The following SAMD13 variants were observed in gnomAD, a reference collection of about 807,000 sequenced individuals.
SAMD13 encodes the protein sterile alpha motif domain-containing protein 13.
In SAMD13, 9 loss-of-function variants were observed where a neutral mutation model predicts 12.4. The observed-to-expected ratio is 0.72, with a 90% CI of 0.44 to 1.26. The LOEUF (loss-of-function observed/expected upper bound fraction) is 1.26. SAMD13 is among the 50% of genes most tolerant of loss of function. SAMD13 has a pLI of 0.00. For missense variants in SAMD13, 84 were observed against 119.6 expected (o/e 0.70, Z 1.39); for synonymous variants, 46 against 45.4 (o/e 1.01, Z -0.05).
rs141431531 is a variant in SAMD13, at chr1:84,318,287, A to G, written c.54-7350A>G. On this transcript the variant is annotated intron_variant, in intron 2 of 3. Coordinates refer to ENST00000394834, the MANE Select transcript of SAMD13 (RefSeq NM_001134663.2). ...CTTAATACTGCTTCTGTTTCATTTC[A>G]TAAGTTTTGATATGTTGTGTTTTTG... Among the ~76,000 whole-genome samples the G allele has an allele frequency of 1.9e-3, 287 of 151,696 alleles. 4 individuals carry two copies. The highest frequency in any genetic ancestry group is 6.5e-3 in the African/African-American group (269 of 41,384).
At chr1:84,341,286 A>G (rs1277724307) in intron 3 of SAMD13, among the ~76,000 whole-genome samples, 2 of 152,140 alleles carry the variant, frequency 1.3e-5, no homozygotes, top group Non-Finnish European at 2.9e-5. Context: ...AACAAGAGTC[A>G]AGCTCCTCTG....
chr1:84,321,448 G>T (rs1178318853), intron 2 of SAMD13, among the ~76,000 whole-genome samples: 3 of 152,018 alleles, frequency 2.0e-5, no homozygotes, highest in South Asian at 2.1e-4. Flanking sequence ...GAAACATTTT[G>T]CTATGACGTT....
Position 84,333,374 on chromosome 1 carries a change from T to C in SAMD13, c.165+7626T>C, listed in dbSNP as rs1679231293. 2.0e-5 allele frequency among the ~76,000 whole-genome samples: 3 copies of C among 152,198 alleles called. No individual in the cohort carries two copies. The South Asian group carries it at 6.2e-4, about 32-fold the overall frequency. ...TGTTGTTCCATTTGTTTGTGTCATC[T>C]CTGATTTCTTTCAGTAGTGTTTTGT... On this transcript the variant is annotated intron_variant, in intron 3 of 3. Coordinates refer to ENST00000394834, the MANE Select transcript of SAMD13 (RefSeq NM_001134663.2).
chr1:84,311,151 C>G (rs1050569638), intron 2 of SAMD13, among the ~76,000 whole-genome samples: 1 of 151,834 alleles, frequency 6.6e-6, no homozygotes, highest in Non-Finnish European at 1.5e-5. Flanking sequence ...GCCTGGCCAA[C>G]ATGGTGAAAT....
At chr1:84,302,691 G>T (rs990760509) in intron 1 of SAMD13, 36 of 985,960 alleles carry the variant, frequency 3.7e-5, no homozygotes, top group Non-Finnish European at 4.3e-5. Context: ...AGAATGTGAG[G>T]TAGGGGAATA....
At position 84,323,308 on chromosome 1, in the gene SAMD13, A is replaced by T. The variant is rs555216730; in HGVS notation, c.54-2329A>T. Among the ~76,000 whole-genome samples, 123 of 152,264 alleles carry T rather than the reference A, an allele frequency of 8.1e-4. 1 individual carries two copies. Among genetic ancestry groups the T allele is most frequent in the South Asian group, 2.3e-3 (11 of 4,828 alleles). On this transcript the variant is annotated intron_variant, in intron 2 of 3. Coordinates refer to ENST00000394834, the MANE Select transcript of SAMD13 (RefSeq NM_001134663.2). ...TTCCAGCACATAGATAATTTTTTTT[A>T]AAATTTACTATTGATTTAAAAACAC... is the stretch of plus-strand genomic sequence containing the variant.
chr1:84,333,816 G>T (rs1485918190), intron 3 of SAMD13, among the ~76,000 whole-genome samples: 1 of 152,084 alleles, frequency 6.6e-6, no homozygotes, highest in Non-Finnish European at 1.5e-5. Flanking sequence ...ATGACCTTGT[G>T]GCTTGGGGTT....
chr1:84,313,966 T>C (rs1446006611), intron 2 of SAMD13, among the ~76,000 whole-genome samples: 5 of 152,158 alleles, frequency 3.3e-5, no homozygotes, highest in Non-Finnish European at 5.9e-5. Flanking sequence ...ACTGTATACC[T>C]GTTAAGCTAT....
intron 2 of SAMD13, among the ~76,000 whole-genome samples, chr1:84,321,705 T>G (rs1294022029): frequency 6.6e-6 from 1 of 152,200 alleles, no homozygotes; most frequent in African/African-American, 2.4e-5. Flanking sequence ...TGGGGAGACA[T>G]ATTGTATTCC....
chr1:84,343,746 A>G (rs1679475490), intron 3 of SAMD13, among the ~76,000 whole-genome samples: 1 of 152,180 alleles, frequency 6.6e-6, no homozygotes, highest in Non-Finnish European at 1.5e-5. Context: ...AAAATAGCTA[A>G]TGCATGCTGG....
chr1:84,328,103 TG>T (rs1303414373), intron 3 of SAMD13, among the ~76,000 whole-genome samples: 1 of 152,184 alleles, frequency 6.6e-6, no homozygotes, highest in African/African-American at 2.4e-5. Flanking sequence ...GTTGAGCTTT[TG>T]CTCAGACTCC....
At chr1:84,336,294 C>T (rs1679285421) in intron 3 of SAMD13, among the ~76,000 whole-genome samples, 1 of 151,860 alleles carries the variant, frequency 6.6e-6, no homozygotes, top group South Asian at 2.1e-4. Flanking sequence ...TTGAGAGAGC[C>T]AGTGTATTGG....
intron 2 of SAMD13, among the ~76,000 whole-genome samples, chr1:84,323,268 C>T (rs1256779238): frequency 6.6e-6 from 1 of 152,050 alleles, no homozygotes; most frequent in Non-Finnish European, 1.5e-5. Context: ...GCTTATGTTG[C>T]TAGTGTATGG....
chr1:84,299,530 CACAA>C (rs1461416637), upstream of SAMD13: 4 of 1,308,094 alleles, frequency 3.1e-6, no homozygotes, highest in African/African-American at 5.9e-5. Flanking sequence ...CACACCCACA[CACAA>C]AGTACACCAC....
At position 84,325,549 on chromosome 1, in the gene SAMD13, AG is replaced by A. The variant is rs535778211; in HGVS notation, c.54-86del. ...ATCATCTGAACCCAAAAAACATGAA[AG>A]GCCTGTCCCAGAAGACCCATTTGTG... is the stretch of plus-strand genomic sequence containing the variant. On this transcript the variant is annotated intron_variant, in intron 2 of 3. Coordinates refer to ENST00000394834, the MANE Select transcript of SAMD13 (RefSeq NM_001134663.2). 5.6e-4 allele frequency: 420 copies of A among 753,734 alleles called. 6 individuals carry two copies. In the South Asian group the frequency reaches 6.3e-3, roughly 11 times the overall value. The allele number at this position is 753,734 out of a possible 1,614,324, so 46.7% of individuals were successfully genotyped here.
At chr1:84,343,776 G>A (rs182485085) in intron 3 of SAMD13, among the ~76,000 whole-genome samples, 1 of 152,242 alleles carries the variant, frequency 6.6e-6, no homozygotes, top group African/African-American at 2.4e-5. Context: ...CTAGGTGATA[G>A]GTTGATAGTG....
At chr1:84,317,678 C>G (rs1204352326) in intron 2 of SAMD13, among the ~76,000 whole-genome samples, 1 of 151,922 alleles carries the variant, frequency 6.6e-6, no homozygotes, top group Non-Finnish European at 1.5e-5. Flanking sequence ...GTGTCTTTAT[C>G]TGGCTTGGTA....
rs974942022 is a variant in SAMD13 at position 84,303,092 on chromosome 1, C to T, written c.-32-111C>T. Reference sequence around the variant, plus strand: ...GGAACTGGAGATTTAAACAAACATACGTGAACTGGTGTGAAGCTGTAAAAG... The same window carrying T: ...GGAACTGGAGATTTAAACAAACATATGTGAACTGGTGTGAAGCTGTAAAAG... On this transcript the variant is annotated intron_variant, in intron 1 of 3. Transcript: ENST00000394834. 12 of 746,144 alleles carry T rather than the reference C, an allele frequency of 1.6e-5. No homozygotes were observed. The East Asian group carries it at 1.7e-4, about 11-fold the overall frequency. The allele number at this position is 746,144 out of a possible 1,614,324, so 46.2% of individuals were successfully genotyped here.
At chr1:84,316,706 C>T (rs1678842049) in intron 2 of SAMD13, among the ~76,000 whole-genome samples, 1 of 151,996 alleles carries the variant, frequency 6.6e-6, no homozygotes, top group Non-Finnish European at 1.5e-5. Flanking sequence ...AAGATCTTTT[C>T]TGGTTCAATA....
Sources: gnomAD v4.1 joint callset for allele counts (sites outside exome capture counted in the v4.1 genomes callset) on GRCh38, gnomAD v4.1.1 for gene constraint, MANE v1.5 for transcripts, NCBI Gene and HGNC (gene_info 2026-07-23, HGNC 2026-07-21) for gene names.